Variants in ING5 observed in about 807,000 individuals in gnomAD.
ING5 encodes inhibitor of growth family member 5.
In ING5, 17 loss-of-function variants were observed where a neutral mutation model predicts 37.4. The ratio of observed to expected loss-of-function variants is 0.45; its 90% CI spans 0.31 to 0.68. The LOEUF (loss-of-function observed/expected upper bound fraction) is 0.68. Ranked by LOEUF, ING5 falls within the 30% of genes least tolerant of loss-of-function variation. The pLI is 0.05. For synonymous variants in ING5, 123 were observed against 116.6 expected, an observed-to-expected ratio of 1.06 and a Z score of -0.36; for missense variants, 233 against 311.9, an observed-to-expected ratio of 0.75 and a Z score of 1.91.
chr2:241,721,221 C>T (rs955835050), intron 5 of ING5: 7 of 985,616 alleles, frequency 7.1e-6, no homozygotes, highest in Admixed American at 6.1e-5. Flanking sequence ...ATCCCGGAAT[C>T]GGCAGGAGGC....
chr2:241,723,351 C>T, intron 7 of ING5, 80 bp downstream of exon 7: 1 of 1,429,730 alleles, frequency 7.0e-7, no homozygotes, highest in African/African-American at 1.4e-5. Context: ...GAAGGTGCTC[C>T]ATGGCAGAAT....
chr2:241,708,426 C>G (rs759979428), intron 2 of ING5, among the ~76,000 whole-genome samples: 3 of 148,274 alleles, frequency 2.0e-5, no homozygotes, highest in Non-Finnish European at 4.5e-5. Context: ...CCAGGATGGT[C>G]TCGATCTCCT....
chr2:241,713,577 TAGTC>T (rs990926457), intron 5 of ING5, among the ~76,000 whole-genome samples: 5 of 150,398 alleles, frequency 3.3e-5, no homozygotes, highest in East Asian at 2.0e-4. Context: ...TTCACCTTGT[TAGTC>T]AGGATAGTCT....
Position 241,712,071 on chromosome 2 carries a change from G to T in ING5, c.482G>T (p.Gly161Val). The change falls in exon 5 of 8, where the codon GGG (glycine) becomes GTG (valine). Residue 161 changes from glycine (G) to valine (V), a missense_variant and splice_region_variant. By Grantham distance (109) the Gly-to-Val change is moderately radical (BLOSUM62 -3). Around this residue, in one of 4 missense-constraint regions of ING5, gnomAD observed 76 missense variants for 68.2 expected, o/e 1.11. Transcript: ENST00000313552. ...DTPKKKKHKG[G>V]SEFTDTILSV... Reference sequence around the variant, plus strand: ...CCAAAGAAAAAGAAGCACAAAGGAGGGTAAGAGGCTTTCCCCTCTTTTTCC... The same window carrying T: ...CCAAAGAAAAAGAAGCACAAAGGAGTGTAAGAGGCTTTCCCCTCTTTTTCC... 6.2e-7 allele frequency: 1 copy of T among 1,603,166 alleles called. No homozygotes were observed. Among genetic ancestry groups the T allele is most frequent in the East Asian group, 2.2e-5 (1 of 44,704 alleles).
At chr2:241,697,686 A>G (rs941063982), upstream of ING5, among the ~76,000 whole-genome samples, 1 of 152,088 alleles carries the variant, frequency 6.6e-6, no homozygotes, top group Non-Finnish European at 1.5e-5. Context: ...GGAGGGGGAG[A>G]GGGATGAATC....
intron 2 of ING5, among the ~76,000 whole-genome samples, chr2:241,692,985 G>A (rs1277247143): frequency 2.0e-5 from 3 of 152,146 alleles, no homozygotes; most frequent in Non-Finnish European, 4.4e-5. Flanking sequence ...CCTTGGCCAG[G>A]TGCGTTGGCT....
chr2:241,689,575 G>T (rs2069516469), intron 1 of ING5, among the ~76,000 whole-genome samples: 1 of 152,132 alleles, frequency 6.6e-6, no homozygotes, highest in East Asian at 1.9e-4. Context: ...CACAGTGAGG[G>T]CTGGTTTTTC....
chr2:241,718,256 G>A (rs1042618362), intron 5 of ING5, among the ~76,000 whole-genome samples: 17 of 150,540 alleles, frequency 1.1e-4, no homozygotes, highest in African/African-American at 3.7e-4. Flanking sequence ...CAAGTGATCC[G>A]CCCAGCTCAG....
upstream of ING5, among the ~76,000 whole-genome samples, chr2:241,698,912 G>A (rs1238510154): frequency 6.6e-6 from 1 of 152,140 alleles, no homozygotes; most frequent in Non-Finnish European, 1.5e-5. Context: ...ATTTTTAATA[G>A]AGATGGGGTT....
chr2:241,690,441 G>C (rs1228460146), exon 2 of ING5: 1 of 392,938 alleles, frequency 2.5e-6, no homozygotes, highest in African/African-American at 2.1e-5. Flanking sequence ...CCACATCCTA[G>C]CAGTTCTCTT....
intron 5 of ING5, chr2:241,719,615 A>G: frequency 1.3e-6 from 2 of 1,535,870 alleles, no homozygotes; most frequent in Non-Finnish European, 1.7e-6. Context: ...TCTCAAGGGT[A>G]TGCTAGGCAT....
At chr2:241,693,195 G>T (rs2069581073) in intron 2 of ING5, among the ~76,000 whole-genome samples, 1 of 147,556 alleles carries the variant, frequency 6.8e-6, no homozygotes, top group African/African-American at 2.5e-5. Flanking sequence ...GGAGGCGGAG[G>T]TTGCAGCTGA....
chr2:241,704,635 T>C lies in ING5; in HGVS notation c.38-18T>C, dbSNP rs375709648. On this transcript the variant is annotated intron_variant, in intron 1 of 7. Coordinates refer to ENST00000313552, the MANE Select transcript of ING5 (RefSeq NM_032329.6). ...TTGCTGCTGAGAGGTACATGGCTTC[T>C]GTGTTTTTGCGTTTCAGGTATCGAG... 1.2e-4 allele frequency: 190 copies of C among 1,610,700 alleles called. No individual in the cohort carries two copies. Among genetic ancestry groups the C allele is most frequent in the Non-Finnish European group, 1.6e-4 (189 of 1,177,004 alleles).
chr2:241,712,208 C>T lies in ING5; in HGVS notation c.482+137C>T, dbSNP rs188648314. ...GTGGTATTCTGATTCTTACGCTGCG[C>T]GCCTGTCGTCAGCCTGTCCTCACCG... On this transcript the variant is annotated intron_variant, in intron 5 of 7. Coordinates refer to ENST00000313552, the MANE Select transcript of ING5 (RefSeq NM_032329.6). 32 of 714,634 alleles carry T rather than the reference C, an allele frequency of 4.5e-5. 1 individual carries two copies. The highest frequency in any genetic ancestry group is 5.7e-5 in the East Asian group (2 of 35,050). The allele number at this position is 714,634 out of a possible 1,614,324, so 44.3% of individuals were successfully genotyped here.
intron 2 of ING5, 32 bp from the exon 3 acceptor site, chr2:241,709,184 C>T (rs933622470): frequency 2.1e-5 from 34 of 1,590,588 alleles, no homozygotes; most frequent in Non-Finnish European, 2.9e-5. Context: ...GTGTCTTGTG[C>T]AGGGCTAGCT....
At position 241,702,093 on chromosome 2, in the gene ING5, T is replaced by C; in HGVS notation, c.28T>C (p.Tyr10His). The C allele has an allele frequency of 7.3e-7, 1 of 1,360,950 alleles. No individual in the cohort carries two copies. The highest frequency in any genetic ancestry group is 1.5e-5 in the African/African-American group (1 of 65,098). The allele number at this position is 1,360,950 out of a possible 1,614,324, so 84.3% of individuals were successfully genotyped here. MATAMYLEH[Y>H]LDSIENLPCE... ...GGCGACCGCCATGTACTTGGAGCAC[T>C]ATCTGGACAGTAAGCGCGCCCCACG... Residue 10 changes from tyrosine (Y) to histidine (H), a missense_variant, in exon 1 of 8, where the codon TAT becomes CAT. By Grantham distance (83) the Tyr-to-His change is moderately conservative (BLOSUM62 2). This residue lies in a region of ING5 where 93 missense variants were observed against 99.7 expected (regional missense o/e 0.93). Transcript: ENST00000313552.
chr2:241,716,137 A>G (rs148652596), intron 5 of ING5, among the ~76,000 whole-genome samples: 2 of 151,970 alleles, frequency 1.3e-5, no homozygotes, highest in East Asian at 3.9e-4. Context: ...ATTTAACATA[A>G]TTAATGATAT....
rs190806862 is a variant in ING5 at position 241,724,267 on chromosome 2, G to A, written c.681-722G>A. Among the ~76,000 whole-genome samples, 23 of 152,334 alleles carry A rather than the reference G, an allele frequency of 1.5e-4. No homozygotes were observed. The East Asian group carries it at 2.3e-3, about 15-fold the overall frequency. ...GGCCGAGCTCACGGTGTCATGTGGC[G>A]TCAACACAGGCTGTCCTGTCACAGG... On this transcript the variant is annotated intron_variant, in intron 7 of 7. Transcript: ENST00000313552.
intron 5 of ING5, among the ~76,000 whole-genome samples, chr2:241,716,517 AC>A (rs766269064): frequency 8.7e-5 from 13 of 148,682 alleles, no homozygotes; most frequent in Non-Finnish European, 1.8e-4. Context: ...CTGGTCTCGA[AC>A]CCCTGACCCC....
Sources: gnomAD v4.1 joint callset for allele counts (sites outside exome capture counted in the v4.1 genomes callset) on GRCh38, gnomAD v4.1.1 for gene constraint, gnomAD v4.1.1 regional missense constraint, MANE v1.5 for transcripts, NCBI Gene and HGNC (gene_info 2026-07-23, HGNC 2026-07-21) for gene names.